ALB: variants seen among roughly 807,000 people sequenced by gnomAD.
The protein encoded by ALB is albumin, also known as serum albumin.
A neutral mutation model predicts 74.5 loss-of-function variants in ALB; 37 were observed. The observed-to-expected ratio is 0.50, with a 90% CI of 0.38 to 0.65. The LOEUF (loss-of-function observed/expected upper bound fraction) is 0.65, where lower values mean the gene tolerates loss of function less well. ALB is among the 30% of genes least tolerant of loss of function. ALB has a pLI of 0.00. For missense variants in ALB, 685 were observed against 718.7 expected (o/e 0.95, Z 0.54); for synonymous variants, 249 against 251.6 (o/e 0.99, Z 0.10).
intron 4 of ALB, chr4:73,409,045 T>G: frequency 1.7e-6 from 1 of 577,040 alleles, no homozygotes. Context: ...AAATTTAAGA[T>G]AGACAAATTA....
chr4:73,420,122 A>G, intron 13 of ALB, 132 bp from the exon 14 acceptor site: 2 of 808,778 alleles, frequency 2.5e-6, no homozygotes, highest in Non-Finnish European at 4.1e-6. Flanking sequence ...AGATTATAGT[A>G]GTAAATTGTA....
intron 14 of ALB, 55 bp from the exon 15 acceptor site, chr4:73,421,037 G>T: frequency 6.0e-6 from 4 of 664,834 alleles, no homozygotes; most frequent in South Asian, 1.7e-5. Context: ...TAATAGGTTT[G>T]AAAAACACAT....
At chr4:73,416,229 T>G in intron 9 of ALB, 27 bp from the exon 10 acceptor site, 1 of 1,584,994 alleles carries the variant, frequency 6.3e-7, no homozygotes, top group Non-Finnish European at 8.7e-7. Context: ...GGCATAATAC[T>G]ATTAACACAA....
chr4:73,410,317 T>C lies in ALB; in HGVS notation c.621T>C (p.Asp207=). 1 of 1,613,594 alleles carries C rather than the reference T, an allele frequency of 6.2e-7. No homozygotes were observed. Among genetic ancestry groups the C allele is most frequent in the Non-Finnish European group, 8.5e-7 (1 of 1,179,528 alleles). Residue 207 remains aspartate, a synonymous_variant, in exon 6 of 15, where the codon GAT becomes GAC. Transcript: ENST00000295897. ...DKAACLLPKL[D]ELRDEGKASS... is the part of the protein sequence containing the mutation. ...CAAATTATTCCTTTTTGTAGCTCGA[T>C]GAACTTCGGGATGAAGGGAAGGCTT...
Position 73,412,138 on chromosome 4 carries a change from C to T in ALB, c.843+13C>T, listed in dbSNP as rs759159080. On this transcript the variant is annotated intron_variant, in intron 7 of 14. Transcript: ENST00000295897. ...TGCTGATGACAGGGTAAAGAGTCGTCGATATGCTTTTTGGTAGCTTGCATG... is the reference window on the plus strand; with the variant it reads ...TGCTGATGACAGGGTAAAGAGTCGTTGATATGCTTTTTGGTAGCTTGCATG... 14 of 1,613,608 alleles carry T rather than the reference C, an allele frequency of 8.7e-6. No homozygotes were observed. Among genetic ancestry groups the T allele is most frequent in the African/African-American group, 1.3e-5 (1 of 74,870 alleles).
chr4:73,418,022 G>A (rs992676033), intron 11 of ALB, 66 bp from the exon 12 acceptor site: 131 of 1,500,240 alleles, frequency 8.7e-5, no homozygotes, highest in Non-Finnish European at 1.1e-4. Flanking sequence ...CTAATTTTTT[G>A]TATTTTTAGT....
rs763081270 is a variant in ALB at position 73,415,071 on chromosome 4, C to T, written c.1095C>T (p.Tyr365=). The T allele has an allele frequency of 1.2e-6, 2 of 1,614,100 alleles. No homozygotes were observed. Among genetic ancestry groups the T allele is most frequent in the Non-Finnish European group, 8.5e-7 (1 of 1,179,996 alleles). ...LYEYARRHPD[Y]SVVLLLRLAK... ...AATATGCAAGAAGGCATCCTGATTA[C>T]TCTGTCGTGCTGCTGCTGAGACTTG... Residue 365 remains tyrosine, a synonymous_variant, in exon 9 of 15, where the codon TAC becomes TAT. Transcript: ENST00000295897.
At chr4:73,413,176 C>T (rs891067698) in intron 7 of ALB, 2 of 472,708 alleles carry the variant, frequency 4.2e-6, no homozygotes, top group Non-Finnish European at 7.6e-6. Flanking sequence ...ACAGTAGAAA[C>T]ATAAAATTAA....
intron 12 of ALB, 122 bp downstream of exon 12, chr4:73,418,433 C>A: frequency 1.2e-6 from 1 of 869,066 alleles, no homozygotes; most frequent in Non-Finnish European, 1.8e-6. Flanking sequence ...TGGAGTGTTG[C>A]CCTTATTATG....
At position 73,408,771 on chromosome 4, in the gene ALB, G is replaced by A. The variant is rs1054716243; in HGVS notation, c.448G>A (p.Ala150Thr). ...ACCAGAGGTTGATGTGATGTGCACTGCTTTTCATGACAATGAAGAGACATT... is the reference window on the plus strand; with the variant it reads ...ACCAGAGGTTGATGTGATGTGCACTACTTTTCATGACAATGAAGAGACATT... ...VRPEVDVMCT[A>T]FHDNEETFLK... The change falls in exon 4 of 15, where the codon GCT becomes ACT. Residue 150 changes from alanine to threonine, a missense_variant. Ala to Thr is a moderately conservative substitution (Grantham distance 58). Transcript: ENST00000295897. The A allele has an allele frequency of 3.7e-6, 6 of 1,613,744 alleles. No individual in the cohort carries two copies. Among genetic ancestry groups the A allele is most frequent in the South Asian group, 1.1e-5 (1 of 91,068 alleles).
intron 4 of ALB, chr4:73,409,149 A>G (rs1176280940): frequency 9.5e-6 from 3 of 316,958 alleles, no homozygotes; most frequent in East Asian, 6.6e-5. Context: ...CCATTTATGC[A>G]CACACACACA....
intron 5 of ALB, among the ~76,000 whole-genome samples, chr4:73,410,054 A>G (rs1377794770): frequency 6.6e-6 from 1 of 152,136 alleles, no homozygotes; most frequent in Non-Finnish European, 1.5e-5. Flanking sequence ...CTTTTCTCCC[A>G]CTTTTAAGGC....
chr4:73,407,971 A>T, intron 3 of ALB, among the ~76,000 whole-genome samples: 1 of 152,196 alleles, frequency 6.6e-6, no homozygotes, highest in South Asian at 2.1e-4. Flanking sequence ...AAAATACATA[A>T]AAATTAATAA....
At chr4:73,420,095 C>T (rs182815650) in intron 13 of ALB, among the ~76,000 whole-genome samples, 159 bp from the exon 14 acceptor site, 3 of 152,238 alleles carry the variant, frequency 2.0e-5, no homozygotes, top group African/African-American at 4.8e-5. Context: ...CAACTATGTC[C>T]GTGAGCTTCC....
At chr4:73,416,076 G>T (rs1388545647) in intron 9 of ALB, among the ~76,000 whole-genome samples, 180 bp from the exon 10 acceptor site, 3 of 152,122 alleles carry the variant, frequency 2.0e-5, no homozygotes, top group Admixed American at 1.3e-4. Context: ...CCACTTACAT[G>T]ATGCAAGCTC....
In ALB at chr4:73,413,633, A is replaced by G. The variant is rs1235002143; in HGVS notation, c.1057A>G (p.Met353Val). 7 of 1,613,802 alleles carry G rather than the reference A, an allele frequency of 4.3e-6. No homozygotes were observed. In the African/African-American group the frequency reaches 6.7e-5, roughly 15 times the overall value. The change falls in exon 8 of 15, where the codon ATG becomes GTG. Residue 353 changes from methionine (M) to valine (V), a missense_variant and splice_region_variant. Physicochemically the swap from Met to Val is conservative, Grantham distance 21. Transcript: ENST00000295897. ...TGAGGCAAAGGATGTCTTCCTGGGC[A>G]TGTAAGTAGATAAGAAATTATTCTT... ...YAEAKDVFLGMFLYEYARRHP... is the reference protein window; with the variant it reads ...YAEAKDVFLGVFLYEYARRHP...
chr4:73,406,074 C>A (rs1028725992), intron 2 of ALB, among the ~76,000 whole-genome samples: 3 of 151,746 alleles, frequency 2.0e-5, no homozygotes, highest in African/African-American at 7.3e-5. Flanking sequence ...CCAGCCTGGG[C>A]AAGTCTCTTT....
At chr4:73,411,854 G>C in intron 6 of ALB, 142 bp from the exon 7 acceptor site, 1 of 1,033,968 alleles carries the variant, frequency 9.7e-7, no homozygotes, top group Admixed American at 2.0e-5. Flanking sequence ...TTACCATTTG[G>C]TTCAGAACTA....
chr4:73,416,201 A>C, intron 9 of ALB, 55 bp from the exon 10 acceptor site: 1 of 1,448,436 alleles, frequency 6.9e-7, no homozygotes, highest in South Asian at 1.2e-5. Flanking sequence ...GTGAAAAACA[A>C]CCTGCATCTG....
Sources: allele counts gnomAD v4.1 joint callset (sites outside exome capture counted in the v4.1 genomes callset), GRCh38; gene constraint gnomAD v4.1.1; transcripts MANE v1.5; gene names NCBI Gene and HGNC (gene_info 2026-07-23, HGNC 2026-07-21).